Variants in PCDHA10 observed in about 807,000 individuals in gnomAD.
The protein encoded by PCDHA10 is protocadherin alpha-10.
Under a neutral mutation model 61.2 loss-of-function variants are expected in PCDHA10, and 45 were observed. The ratio of observed to expected loss-of-function variants is 0.74; its 90% CI spans 0.58 to 0.94. The LOEUF is 0.94. Ranked by LOEUF, PCDHA10 falls within the 40% of genes least tolerant of loss-of-function variation. The pLI is 0.00. For synonymous variants in PCDHA10, 602 were observed against 548.8 expected, an observed-to-expected ratio of 1.10 and a Z score of -1.35; for missense variants, 1,278 against 1,236.2, an observed-to-expected ratio of 1.03 and a Z score of -0.51.
At position 140,946,631 on chromosome 5, in the gene PCDHA10, T is replaced by TATATATATATACAC. The variant is rs57893927; in HGVS notation, c.2389-32317_2389-32316insTATATATATACACA. Among the ~76,000 whole-genome samples, 93 of 131,838 alleles carry TATATATATATACAC rather than the reference T, an allele frequency of 7.1e-4. 3 individuals carry two copies. Among genetic ancestry groups the TATATATATATACAC allele is most frequent in the East Asian group, 2.3e-3 (11 of 4,866 alleles). 86.5% of individuals were successfully genotyped at this position (131,838 alleles called of 152,430 possible). A position where few individuals can be genotyped will look rare whatever the true frequency, so the allele number is the denominator to read the frequency against. ...TGTGAAATATATATATATATATATA[T>TATATATATATACAC]ACAATGGAATACTCATCAGCCATTA... On this transcript the variant is annotated intron_variant, in intron 1 of 3. Transcript: ENST00000307360.
chr5:140,951,021 G>A (rs960559037), intron 1 of PCDHA10, among the ~76,000 whole-genome samples: 1 of 151,932 alleles, frequency 6.6e-6, no homozygotes, highest in Non-Finnish European at 1.5e-5. Context: ...CAGGCAGTGA[G>A]TTTTAATTTC....
chr5:140,954,208 A>C (rs568734009), intron 1 of PCDHA10, among the ~76,000 whole-genome samples: 1 of 152,254 alleles, frequency 6.6e-6, no homozygotes, highest in Admixed American at 6.5e-5. Context: ...GGTTGATCCC[A>C]TGTTTTTGCT....
In PCDHA10 at chr5:140,855,913, A is replaced by G. The variant is rs560286204; in HGVS notation, c.-136A>G. 287 of 1,174,758 alleles carry G rather than the reference A, an allele frequency of 2.4e-4. 22 individuals carry two copies. Among genetic ancestry groups the G allele is most frequent in the Admixed American group, 2.2e-3 (83 of 38,140 alleles). 72.8% of individuals were successfully genotyped at this position (1,174,758 alleles called of 1,614,324 possible). ...AAAGGCATCAGCCAGTTTCTCAAGG[A>G]CTAGGAAGTAGCGTCATTCTGAGAT... On this transcript the variant is annotated 5_prime_UTR_variant, in exon 1 of 4. Transcript: ENST00000307360.
In PCDHA10 at chr5:140,884,465, G is replaced by A. The variant is rs782791774; in HGVS notation, c.2388+26029G>A. 8.1e-6 allele frequency: 13 copies of A among 1,613,634 alleles called. No homozygotes were observed. In the South Asian group the frequency reaches 9.9e-5, roughly 12 times the overall value. ...GGCACCGCCCACCGAGGGCGCGTGCGCGCCGGGCAAGCCCACTCTAGTGTG... is the reference window on the plus strand; with the variant it reads ...GGCACCGCCCACCGAGGGCGCGTGCACGCCGGGCAAGCCCACTCTAGTGTG... On this transcript the variant is annotated intron_variant, in intron 1 of 3. Coordinates refer to ENST00000307360, the MANE Select transcript of PCDHA10 (RefSeq NM_018901.4).
At chr5:140,892,616 G>A (rs781995267) in intron 1 of PCDHA10, among the ~76,000 whole-genome samples, 1 of 151,910 alleles carries the variant, frequency 6.6e-6, no homozygotes, top group Admixed American at 6.6e-5. Flanking sequence ...TTTATTTCCA[G>A]TTGGTACATA....
chr5:140,976,507 C>T (rs868949957), intron 1 of PCDHA10, among the ~76,000 whole-genome samples: 2 of 151,968 alleles, frequency 1.3e-5, no homozygotes, highest in African/African-American at 4.8e-5. Context: ...GCCAAGATCG[C>T]GCCACTGCAC....
intron 1 of PCDHA10, among the ~76,000 whole-genome samples, chr5:140,946,611 A>AATATATATATATATATATATAT (rs1554217734): frequency 0.012 from 1,017 of 86,324 alleles, 26 homozygotes; most frequent in Middle Eastern, 0.016. Flanking sequence ...GAAAATGTGA[A>AATATATATATATATATATATAT]ATATATATAT....
At chr5:140,932,028 G>T (rs1299372751) in intron 1 of PCDHA10, among the ~76,000 whole-genome samples, 1 of 151,864 alleles carries the variant, frequency 6.6e-6, no homozygotes, top group African/African-American at 2.4e-5. Context: ...TAAGTTTACA[G>T]TATATATTAA....
chr5:140,928,635 A>G lies in PCDHA10; in HGVS notation c.2389-50314A>G, dbSNP rs148091714. On this transcript the variant is annotated intron_variant, in intron 1 of 3. Transcript: ENST00000307360. ...CTGCCAGGACTGGACACTTGGTCAC[A>G]AAAGTGGTAGCAGAGGATGCTGACA... is the stretch of plus-strand genomic sequence containing the variant. 6 of 1,614,104 alleles carry G rather than the reference A, an allele frequency of 3.7e-6. No individual in the cohort carries two copies. The Middle Eastern group carries it at 4.9e-4, about 133-fold the overall frequency.
intron 1 of PCDHA10, among the ~76,000 whole-genome samples, chr5:140,961,280 CT>C (rs2153727915): frequency 6.6e-6 from 1 of 152,104 alleles, no homozygotes; most frequent in Admixed American, 6.5e-5. Flanking sequence ...TACCATGGCT[CT>C]GTTTCTTGAG....
At chr5:140,941,648 T>C (rs975692197) in intron 1 of PCDHA10, among the ~76,000 whole-genome samples, 1 of 152,074 alleles carries the variant, frequency 6.6e-6, no homozygotes, top group Non-Finnish European at 1.5e-5. Context: ...TTCCTACAAC[T>C]TATGTCCAAT....
chr5:140,879,055 A>C (rs1048447920), intron 1 of PCDHA10, among the ~76,000 whole-genome samples: 2 of 152,214 alleles, frequency 1.3e-5, no homozygotes, highest in Non-Finnish European at 2.9e-5. Context: ...ACAACATTTT[A>C]CCAAGAAAGT....
chr5:140,959,107 C>A (rs1330357931), intron 1 of PCDHA10, among the ~76,000 whole-genome samples: 1 of 151,920 alleles, frequency 6.6e-6, no homozygotes, highest in South Asian at 2.1e-4. Context: ...CAGCAGGGGT[C>A]CGAAGGTGGG....
intron 3 of PCDHA10, among the ~76,000 whole-genome samples, chr5:141,008,574 A>G (rs1554261815): frequency 1.3e-5 from 2 of 152,164 alleles, no homozygotes; most frequent in Admixed American, 1.3e-4. Context: ...TCATTTTCCC[A>G]AGACTCAGGG....
At chr5:140,865,102 A>G (rs1251688673) in intron 1 of PCDHA10, 2 of 152,206 alleles carry the variant, frequency 1.3e-5, no homozygotes, top group Non-Finnish European at 2.9e-5. Context: ...AGGCACTTCC[A>G]CTTGACAATT....
chr5:140,979,002 G>A lies in PCDHA10; in HGVS notation c.2442G>A (p.Met814Ile). 6.2e-7 allele frequency: 1 copy of A among 1,614,130 alleles called. No homozygotes were observed. The highest frequency in any genetic ancestry group is 8.5e-7 in the Non-Finnish European group (1 of 1,180,014). ...WRYSASLRAG[M>I]HSSVHLEEAG... ...ACTCTGCCTCCCTGAGAGCAGGCAT[G>A]CACAGGTATGTATTTCCCTCCTCAT... The change falls in exon 2 of 4, where the codon ATG becomes ATA. Residue 814 changes from methionine (M) to isoleucine (I), a missense_variant. Transcript: ENST00000307360.
At chr5:140,982,097 C>A (rs1313290841) in intron 2 of PCDHA10, among the ~76,000 whole-genome samples, 1 of 152,194 alleles carries the variant, frequency 6.6e-6, no homozygotes, top group Non-Finnish European at 1.5e-5. Flanking sequence ...AACAAGAGAA[C>A]CTGCAAGAGA....
chr5:141,004,037 G>A (rs946974688), intron 3 of PCDHA10, among the ~76,000 whole-genome samples: 1 of 152,200 alleles, frequency 6.6e-6, no homozygotes, highest in African/African-American at 2.4e-5. Flanking sequence ...TTCCTTGATT[G>A]ATCATTTGCT....
intron 1 of PCDHA10, among the ~76,000 whole-genome samples, chr5:140,886,194 AAT>A (rs775586198): frequency 9.9e-5 from 15 of 152,172 alleles, no homozygotes; most frequent in Non-Finnish European, 1.9e-4. Context: ...GGCAAGCAGT[AAT>A]CTGTTCTCCA....
Sources: allele counts gnomAD v4.1 joint callset (sites outside exome capture counted in the v4.1 genomes callset), GRCh38; gene constraint gnomAD v4.1.1; transcripts MANE v1.5; gene names NCBI Gene and HGNC (gene_info 2026-07-23, HGNC 2026-07-21).